Variants in RTN1 observed in about 807,000 individuals in gnomAD.
RTN1 encodes reticulon-1.
In RTN1, 25 loss-of-function variants were observed where a neutral mutation model predicts 65.5. That is an observed-to-expected ratio of 0.38 (90% CI 0.28 to 0.53). The LOEUF (loss-of-function observed/expected upper bound fraction) is 0.53, where lower values mean the gene tolerates loss of function less well. Among genes scored for constraint, RTN1 ranks in the 20% least tolerant of loss-of-function variants. The pLI is 0.79. For synonymous variants in RTN1, 471 were observed against 447.6 expected (o/e 1.05, Z -0.66); for missense variants, 983 against 1,025.4 (o/e 0.96, Z 0.57).
chr14:59,850,636 T>C (rs1467668274), intron 1 of RTN1, among the ~76,000 whole-genome samples: 1 of 152,168 alleles, frequency 6.6e-6, no homozygotes, highest in Non-Finnish European at 1.5e-5. Context: ...AATGTAAAAA[T>C]GGGGGTCACT....
At chr14:59,630,809 G>A in intron 3 of RTN1, 1 of 1,026,086 alleles carries the variant, frequency 9.7e-7, no homozygotes, top group South Asian at 4.6e-5. Context: ...CGGGTAAAGC[G>A]GTTCTGGCCG....
chr14:59,607,596 G>T, intron 3 of RTN1, 104 bp from the exon 4 acceptor site: 2 of 927,630 alleles, frequency 2.2e-6, no homozygotes, highest in Non-Finnish European at 3.4e-6. Context: ...TTCTCACCTG[G>T]CATCTGGATT....
chr14:59,742,070 C>A (rs1885126874), intron 2 of RTN1, among the ~76,000 whole-genome samples: 1 of 152,130 alleles, frequency 6.6e-6, no homozygotes, highest in Non-Finnish European at 1.5e-5. Flanking sequence ...GTGGCCAGTG[C>A]ATGTCTGATG....
intron 3 of RTN1, among the ~76,000 whole-genome samples, chr14:59,631,139 G>A (rs537435119): frequency 6.0e-4 from 91 of 152,314 alleles, no homozygotes; most frequent in Non-Finnish European, 1.2e-3. Context: ...AGAATTGCCA[G>A]ATTCTCTCCT....
In RTN1 at chr14:59,870,646, G is replaced by A; in HGVS notation, c.-16C>T. ...GCGCGGCCATGGCTGGCGGTCCCCCGGCGCGGCGACGGCGGCTTGGCTGGG... is the reference window on the plus strand; with the variant it reads ...GCGCGGCCATGGCTGGCGGTCCCCCAGCGCGGCGACGGCGGCTTGGCTGGG... On this transcript the variant is annotated 5_prime_UTR_variant, in exon 1 of 9. Coordinates refer to ENST00000267484, the MANE Select transcript of RTN1 (RefSeq NM_021136.3). This position sits in a 1 kb window ranked among gnomAD's most constrained non-coding sequence, Gnocchi z 5.1. 2 of 1,365,584 alleles carry A rather than the reference G, an allele frequency of 1.5e-6. No individual in the cohort carries two copies. Among genetic ancestry groups the A allele is most frequent in the Middle Eastern group, 2.7e-4 (1 of 3,708 alleles). The allele number at this position is 1,365,584 out of a possible 1,614,324, so 84.6% of individuals were successfully genotyped here. A position where few individuals can be genotyped will look rare whatever the true frequency, so the allele number is the denominator to read the frequency against.
chr14:59,601,104 C>T (rs929981320), intron 8 of RTN1, among the ~76,000 whole-genome samples: 1 of 152,200 alleles, frequency 6.6e-6, no homozygotes, highest in African/African-American at 2.4e-5. Context: ...CTCCACAGAG[C>T]ATTCACCACC....
chr14:59,788,073 C>T (rs8004809), intron 1 of RTN1, among the ~76,000 whole-genome samples: 29 of 152,104 alleles, frequency 1.9e-4, no homozygotes, highest in African/African-American at 5.6e-4. Flanking sequence ...TGTAATGATT[C>T]GCAGGTATTT....
intron 3 of RTN1, among the ~76,000 whole-genome samples, chr14:59,686,918 T>C (rs1164133356): frequency 1.3e-5 from 2 of 152,232 alleles, no homozygotes; most frequent in Non-Finnish European, 2.9e-5. Context: ...CCTGGCAGCA[T>C]GGCCACTTAG....
At chr14:59,862,786 A>G (rs1887733314) in intron 1 of RTN1, among the ~76,000 whole-genome samples, 1 of 152,192 alleles carries the variant, frequency 6.6e-6, no homozygotes, top group Non-Finnish European at 1.5e-5. Context: ...AGGGCTACTC[A>G]GTGTTCCCTC....
chr14:59,736,207 T>A (rs1884998642), intron 2 of RTN1, among the ~76,000 whole-genome samples: 1 of 151,800 alleles, frequency 6.6e-6, no homozygotes, highest in Non-Finnish European at 1.5e-5. Context: ...GACAGAGACA[T>A]GAAAAACCCT....
chr14:59,726,804 A>G (rs2139477246), intron 3 of RTN1, 115 bp downstream of exon 3: 1 of 861,458 alleles, frequency 1.2e-6, no homozygotes, highest in East Asian at 2.7e-5. Flanking sequence ...TCTCTGGTCA[A>G]CTGTTTGATC....
intron 3 of RTN1, among the ~76,000 whole-genome samples, chr14:59,672,052 C>T (rs1883515751): frequency 6.6e-6 from 1 of 152,200 alleles, no homozygotes; most frequent in Non-Finnish European, 1.5e-5. Context: ...TCTCTAAAAT[C>T]AGCCTTGCCT....
At chr14:59,804,183 A>G (rs1374442478) in intron 1 of RTN1, among the ~76,000 whole-genome samples, 1 of 152,086 alleles carries the variant, frequency 6.6e-6, no homozygotes, top group Non-Finnish European at 1.5e-5. Flanking sequence ...AGTTTCTCCA[A>G]CTGTCCTTGT....
At chr14:59,861,316 C>A (rs1363337939) in intron 1 of RTN1, among the ~76,000 whole-genome samples, 1 of 152,180 alleles carries the variant, frequency 6.6e-6, no homozygotes, top group South Asian at 2.1e-4. Context: ...TCTTTGCCTG[C>A]TGCCATCCAT....
chr14:59,826,276 T>C (rs1887029582), intron 1 of RTN1, among the ~76,000 whole-genome samples: 1 of 152,248 alleles, frequency 6.6e-6, no homozygotes, highest in Admixed American at 6.5e-5. Flanking sequence ...AAACTCTCTG[T>C]GCCTATTTCC....
At chr14:59,666,183 A>G (rs965130998) in intron 3 of RTN1, among the ~76,000 whole-genome samples, 2 of 152,172 alleles carry the variant, frequency 1.3e-5, no homozygotes, top group Non-Finnish European at 2.9e-5. Flanking sequence ...TTGACCACAT[A>G]ATTGGAAGTA....
intron 3 of RTN1, among the ~76,000 whole-genome samples, chr14:59,693,895 G>C (rs763535761): frequency 6.6e-6 from 1 of 152,178 alleles, no homozygotes; most frequent in African/African-American, 2.4e-5. Flanking sequence ...CACAATGGAT[G>C]AATGTGTTTA....
chr14:59,718,929 T>A (rs868549906), intron 3 of RTN1, among the ~76,000 whole-genome samples: 1 of 152,188 alleles, frequency 6.6e-6, no homozygotes, highest in Middle Eastern at 3.4e-3. Flanking sequence ...CCAAAGCATA[T>A]CTCAAATCCA....
intron 1 of RTN1, among the ~76,000 whole-genome samples, chr14:59,843,712 T>A (rs973721991): frequency 6.6e-6 from 1 of 152,158 alleles, no homozygotes; most frequent in Non-Finnish European, 1.5e-5. Flanking sequence ...TTATCTAAGG[T>A]AAGGCACTGG....
Sources: allele counts gnomAD v4.1 joint callset (sites outside exome capture counted in the v4.1 genomes callset), GRCh38; gene constraint gnomAD v4.1.1; non-coding constraint Gnocchi (gnomAD v3.1); transcripts MANE v1.5; gene names NCBI Gene and HGNC (gene_info 2026-07-23, HGNC 2026-07-21).